CNNM1: variants seen among roughly 807,000 people sequenced by gnomAD.
CNNM1 encodes the protein cyclin and CBS domain divalent metal cation transport mediator 1, also known as metal transporter CNNM1.
CNNM1 carries 44 observed loss-of-function variants against 78.8 expected under a neutral mutation model. The ratio of observed to expected loss-of-function variants is 0.56; its 90% CI spans 0.44 to 0.72. CNNM1 has a LOEUF of 0.72. CNNM1 is among the 30% of genes least tolerant of loss of function. The probability of loss-of-function intolerance (pLI) is 0.00; values close to 1 mark genes in which losing one functional copy is unlikely to be tolerated. For missense variants in CNNM1, 1,101 were observed against 1,292.2 expected (o/e 0.85, Z 2.27); for synonymous variants, 584 against 581.5 (o/e 1.00, Z -0.06).
intron 1 of CNNM1, among the ~76,000 whole-genome samples, chr10:99,332,797 C>T (rs766385965): frequency 3.3e-5 from 5 of 152,162 alleles, no homozygotes; most frequent in Non-Finnish European, 7.3e-5. Flanking sequence ...GTATATATGG[C>T]AGCTATTTTA....
In CNNM1 at chr10:99,329,453, C is replaced by A; in HGVS notation, c.66C>A (p.Gly22=). 3 of 1,352,088 alleles carry A rather than the reference C, an allele frequency of 2.2e-6. No individual in the cohort carries two copies. Among genetic ancestry groups the A allele is most frequent in the Non-Finnish European group, 3.0e-6 (3 of 997,910 alleles). The allele number at this position is 1,352,088 out of a possible 1,614,324, so 83.8% of individuals were successfully genotyped here. A position where few individuals can be genotyped will look rare whatever the true frequency, so the allele number is the denominator to read the frequency against. ...GVRLRDCCSR[G]AVLLLFFSLS... Reference sequence around the variant, plus strand: ...GGCTCCGGGACTGCTGCAGCCGAGGCGCTGTGCTCCTGCTCTTCTTTTCCC... The same window carrying A: ...GGCTCCGGGACTGCTGCAGCCGAGGAGCTGTGCTCCTGCTCTTCTTTTCCC... Residue 22 remains glycine (G), a synonymous_variant, in exon 1 of 11, where the codon GGC becomes GGA. Transcript: ENST00000356713.
intron 3 of CNNM1, among the ~76,000 whole-genome samples, chr10:99,361,929 T>C (rs948449826): frequency 2.0e-5 from 3 of 152,356 alleles, no homozygotes; most frequent in South Asian, 4.1e-4. Context: ...TGTCCAATTT[T>C]AAATAAAATC....
chr10:99,380,248 T>C (rs1231456921), intron 7 of CNNM1, among the ~76,000 whole-genome samples: 1 of 152,150 alleles, frequency 6.6e-6, no homozygotes, highest in Non-Finnish European at 1.5e-5. Flanking sequence ...TTTCAACATA[T>C]GAATATTGAG....
At chr10:99,376,877 G>A (rs1380269035) in intron 6 of CNNM1, among the ~76,000 whole-genome samples, 178 bp from the exon 7 acceptor site, 5 of 151,994 alleles carry the variant, frequency 3.3e-5, no homozygotes, top group African/African-American at 1.2e-4. Context: ...CTCCTTCCCC[G>A]GGCTCTGATG....
At position 99,365,005 on chromosome 10, in the gene CNNM1, A is replaced by T; in HGVS notation, c.2176+3A>T. ...TCTGGCTGGATCTTCTGTCTTTCGTATGTATCTCTCAAACCCCTTCCTCGT... is the reference window on the plus strand; with the variant it reads ...TCTGGCTGGATCTTCTGTCTTTCGTTTGTATCTCTCAAACCCCTTCCTCGT... On this transcript the variant is annotated splice_donor_region_variant and intron_variant, in intron 6 of 10. Transcript: ENST00000356713. The T allele has an allele frequency of 6.2e-7, 1 of 1,613,826 alleles. No homozygotes were observed. The highest frequency in any genetic ancestry group is 8.5e-7 in the Non-Finnish European group (1 of 1,179,814).
rs542977705 is a variant in CNNM1 at position 99,355,274 on chromosome 10, G to A, written c.1574-2238G>A. ...GGAACATCACACACTGGGGCCTGTT[G>A]TGGGGTGGGGGGAGGGGGGAAGGAT... On this transcript the variant is annotated intron_variant, in intron 1 of 10. Coordinates refer to ENST00000356713, the MANE Select transcript of CNNM1 (RefSeq NM_020348.3). Among the ~76,000 whole-genome samples, 111 of 130,450 alleles carry A rather than the reference G, an allele frequency of 8.5e-4. No homozygotes were observed. The Middle Eastern group carries it at 0.012, about 14-fold the overall frequency. The allele number at this position is 130,450 out of a possible 152,430, so 85.6% of individuals were successfully genotyped here. A position where few individuals can be genotyped will look rare whatever the true frequency, so the allele number is the denominator to read the frequency against.
intron 1 of CNNM1, among the ~76,000 whole-genome samples, chr10:99,356,562 C>CAGACAGAAAGAAAGAAAAGAAAGAA: frequency 3.0e-5 from 3 of 98,444 alleles, no homozygotes; most frequent in Admixed American, 1.1e-4. Flanking sequence ...GACAGACAGA[C>CAGACAGAAAGAAAGAAAAGAAAGAA]AGAAAGAAAG....
chr10:99,361,441 AAAGTTT>A (rs1244649045), intron 3 of CNNM1, among the ~76,000 whole-genome samples: 16 of 152,380 alleles, frequency 1.1e-4, no homozygotes, highest in Admixed American at 6.5e-4. Context: ...TGAAGAAGAT[AAAGTTT>A]GTCTTTGAAC....
intron 6 of CNNM1, chr10:99,365,214 G>T: frequency 1.5e-6 from 1 of 651,820 alleles, no homozygotes; most frequent in Non-Finnish European, 2.8e-6. Flanking sequence ...GTTTTCTGCT[G>T]CTTCTCTGCT....
In CNNM1 at chr10:99,377,222, ACT is replaced by A. The variant is rs1284614856; in HGVS notation, c.2340+6_2340+7del. 1.2e-6 allele frequency: 2 copies of A among 1,612,658 alleles called. No individual in the cohort carries two copies. Among genetic ancestry groups the A allele is most frequent in the South Asian group, 2.2e-5 (2 of 90,836 alleles). Reference sequence around the variant, plus strand: ...CAGCGATGTGCAGTTTGTGAAGGTAACTCCCCCAGGAAGGTTATCCTCTCCCT... The same window carrying A: ...CAGCGATGTGCAGTTTGTGAAGGTAACCCCCAGGAAGGTTATCCTCTCCCT... On this transcript the variant is annotated splice_donor_5th_base_variant and intron_variant, in intron 7 of 10. Transcript: ENST00000356713.
chr10:99,329,960 G>A lies in CNNM1; in HGVS notation c.573G>A (p.Gly191=). The A allele has an allele frequency of 7.2e-7, 1 of 1,385,646 alleles. No individual in the cohort carries two copies. Among genetic ancestry groups the A allele is most frequent in the Non-Finnish European group, 9.3e-7 (1 of 1,080,932 alleles). 85.8% of individuals were successfully genotyped at this position (1,385,646 alleles called of 1,614,324 possible). The change falls in exon 1 of 11, where the codon GGG becomes GGA. Residue 191 remains glycine, a synonymous_variant. Coordinates refer to ENST00000356713, the MANE Select transcript of CNNM1 (RefSeq NM_020348.3). ...TCTTTTCACTCTGCGCCTGGGATGG[G>A]CGCGCGTGGCACCACCACGGCGCCG... ...GKLFSLCAWD[G]RAWHHHGAAG... is the part of the protein sequence containing the mutation.
intron 1 of CNNM1, among the ~76,000 whole-genome samples, chr10:99,334,786 G>C (rs185898261): frequency 1.3e-5 from 2 of 152,162 alleles, no homozygotes; most frequent in Non-Finnish European, 2.9e-5. Flanking sequence ...GGAAAATGAC[G>C]ATATTAATAG....
At chr10:99,371,598 A>G (rs997965432) in intron 6 of CNNM1, among the ~76,000 whole-genome samples, 1 of 152,112 alleles carries the variant, frequency 6.6e-6, no homozygotes, top group African/African-American at 2.4e-5. Flanking sequence ...TCTAAAAATA[A>G]TATTTCTACT....
intron 1 of CNNM1, among the ~76,000 whole-genome samples, chr10:99,356,362 G>A (rs2031145892): frequency 6.6e-6 from 1 of 151,950 alleles, no homozygotes; most frequent in South Asian, 2.1e-4. Flanking sequence ...TGTGGTCCCA[G>A]CTACTCGGGA....
intron 1 of CNNM1, among the ~76,000 whole-genome samples, chr10:99,336,795 C>T (rs1332147117): frequency 3.3e-5 from 5 of 152,114 alleles, no homozygotes; most frequent in South Asian, 2.1e-4. Context: ...AGTGAAACCC[C>T]GTCTCTACTA....
chr10:99,388,232 A>C lies in CNNM1; in HGVS notation c.2605A>C (p.Met869Leu), dbSNP rs1353137761. The C allele has an allele frequency of 6.2e-7, 1 of 1,613,962 alleles. No individual in the cohort carries two copies. The highest frequency in any genetic ancestry group is 1.3e-5 in the African/African-American group (1 of 75,062). ...MEELAFTQEE[M>L]TDFEEHSTQQ... ...GGAGCTGGCCTTCACCCAGGAAGAA[A>C]TGACTGACTTCGAGGAGCACAGCAC... The change falls in exon 9 of 11, where the codon ATG (methionine) becomes CTG (leucine). Residue 869 changes from methionine (M) to leucine (L), a missense_variant. Physicochemically the swap from Met to Leu is conservative, Grantham distance 15. Coordinates refer to ENST00000356713, the MANE Select transcript of CNNM1 (RefSeq NM_020348.3).
intron 6 of CNNM1, 115 bp downstream of exon 6, chr10:99,365,117 C>G: frequency 9.8e-7 from 1 of 1,025,522 alleles, no homozygotes; most frequent in Non-Finnish European, 1.5e-6. Flanking sequence ...CAAATGCTGG[C>G]AGCCCCTTTG....
rs1490101053 is a variant in CNNM1 at position 99,392,975 on chromosome 10, A to C, written c.*1459A>C. 6.6e-6 allele frequency: 1 copy of C among 151,776 alleles called. No individual in the cohort carries two copies. The highest frequency in any genetic ancestry group is 1.5e-5 in the Non-Finnish European group (1 of 68,006). 9.4% of individuals were successfully genotyped at this position (151,776 alleles called of 1,614,324 possible). ...TCTGTCTCCCCCCGCAAAAAAAAAA[A>C]AGAAAGAAAGAAAGAGAAAAGAAAA... On this transcript the variant is annotated 3_prime_UTR_variant, in exon 11 of 11. Coordinates refer to ENST00000356713, the MANE Select transcript of CNNM1 (RefSeq NM_020348.3).
At chr10:99,346,986 T>C (rs1359922537) in intron 1 of CNNM1, among the ~76,000 whole-genome samples, 3 of 152,056 alleles carry the variant, frequency 2.0e-5, no homozygotes, top group African/African-American at 7.3e-5. Context: ...CTCTCACTTA[T>C]GAGTGGGAGC....
Sources: allele counts gnomAD v4.1 joint callset (sites outside exome capture counted in the v4.1 genomes callset), GRCh38; gene constraint gnomAD v4.1.1; transcripts MANE v1.5; gene names NCBI Gene and HGNC (gene_info 2026-07-23, HGNC 2026-07-21).